IQCK: variants seen among roughly 807,000 people sequenced by gnomAD.
The protein encoded by IQCK is IQ motif containing K.
IQCK carries 29 observed loss-of-function variants against 28.1 expected under a neutral mutation model. The ratio of observed to expected loss-of-function variants is 1.03; its 90% CI spans 0.77 to 1.41. The LOEUF (loss-of-function observed/expected upper bound fraction) is 1.41. Ranked by LOEUF, IQCK falls within the 40% of genes most tolerant of loss-of-function variation. The probability of loss-of-function intolerance (pLI) is 0.00; values close to 1 mark genes in which losing one functional copy is unlikely to be tolerated. For synonymous variants in IQCK, 113 were observed against 115.1 expected, an observed-to-expected ratio of 0.98 and a Z score of 0.12; for missense variants, 359 against 314.7, an observed-to-expected ratio of 1.14 and a Z score of -1.07.
At chr16:19,768,487 C>G (rs1160735709) in intron 6 of IQCK, among the ~76,000 whole-genome samples, 2 of 152,154 alleles carry the variant, frequency 1.3e-5, no homozygotes, top group Non-Finnish European at 2.9e-5. Context: ...TGGCTGACAC[C>G]TGTAATCTCA....
exon 6 of IQCK, chr16:19,764,067 C>T (rs760371744): frequency 6.2e-7 from 1 of 1,614,032 alleles, no homozygotes; most frequent in South Asian, 1.1e-5. Flanking sequence ...GAGCCATTCA[C>T]AGAATTTTTC....
chr16:19,754,444 A>G (rs895557096), intron 4 of IQCK, among the ~76,000 whole-genome samples: 5 of 152,024 alleles, frequency 3.3e-5, no homozygotes, highest in African/African-American at 1.2e-4. Flanking sequence ...CTCCTATCTT[A>G]CTCCATGTAA....
chr16:19,726,992 A>C (rs908233613), intron 1 of IQCK, among the ~76,000 whole-genome samples: 4 of 151,894 alleles, frequency 2.6e-5, no homozygotes, highest in African/African-American at 4.8e-5. Flanking sequence ...TTAGCCGGGC[A>C]TGATGATGGG....
rs150461419 is a variant in IQCK at position 19,761,815 on chromosome 16, G to A, written c.475-2033G>A. On this transcript the variant is annotated intron_variant, in intron 4 of 7. Coordinates refer to ENST00000564186, the Ensembl canonical transcript of IQCK. Reference sequence around the variant, plus strand: ...CTGTATTGAAAACTCAAGAACAGTGGTAATAAAACGAATGAAGTTTATTTC... The same window carrying A: ...CTGTATTGAAAACTCAAGAACAGTGATAATAAAACGAATGAAGTTTATTTC... 1,490 of 172,812 alleles carry A rather than the reference G, an allele frequency of 8.6e-3. 11 individuals carry two copies. Among genetic ancestry groups the A allele is most frequent in the Non-Finnish European group, 0.012 (920 of 79,536 alleles). The allele number at this position is 172,812 out of a possible 1,614,324, so 10.7% of individuals were successfully genotyped here. A position where few individuals can be genotyped will look rare whatever the true frequency, so the allele number is the denominator to read the frequency against.
chr16:19,734,187 T>G (rs1197407741), intron 3 of IQCK, among the ~76,000 whole-genome samples: 1 of 151,622 alleles, frequency 6.6e-6, no homozygotes, highest in African/African-American at 2.4e-5. Flanking sequence ...TCTCTACATC[T>G]CTACAAAAAA....
intron 9 of IQCK, among the ~76,000 whole-genome samples, chr16:19,848,147 T>C (rs1424029765): frequency 6.6e-6 from 1 of 152,246 alleles, no homozygotes; most frequent in Non-Finnish European, 1.5e-5. Flanking sequence ...TCTGCATCTT[T>C]ACCAACAATG....
chr16:19,851,916 T>C (rs1411360163), intron 9 of IQCK, among the ~76,000 whole-genome samples: 1 of 152,200 alleles, frequency 6.6e-6, no homozygotes, highest in African/African-American at 2.4e-5. Context: ...CAAGGCTGTG[T>C]TCTGCTAAGA....
intron 7 of IQCK, among the ~76,000 whole-genome samples, chr16:19,816,938 G>T (rs1329619550): frequency 1.3e-5 from 2 of 152,146 alleles, no homozygotes; most frequent in Non-Finnish European, 2.9e-5. Flanking sequence ...GAAAATTGAG[G>T]CTCAGGGAGT....
Position 19,821,569 on chromosome 16 carries a change from C to T in IQCK, c.691-5457C>T, listed in dbSNP as rs554702778. On this transcript the variant is annotated intron_variant, in intron 7 of 7. Transcript: ENST00000564186. ...ACAAAACATTAGCTGGGCATGGTAGCATGTGCCTGTAATCCCAGCTACTCA... is the reference window on the plus strand; with the variant it reads ...ACAAAACATTAGCTGGGCATGGTAGTATGTGCCTGTAATCCCAGCTACTCA... Among the ~76,000 whole-genome samples the T allele has an allele frequency of 1.7e-4, 26 of 152,298 alleles. 1 individual carries two copies. The highest frequency in any genetic ancestry group is 6.0e-4 in the African/African-American group (25 of 41,574).
chr16:19,830,741 C>G (rs557398493), downstream of IQCK, among the ~76,000 whole-genome samples: 3 of 152,284 alleles, frequency 2.0e-5, no homozygotes, highest in East Asian at 3.9e-4. Flanking sequence ...CCATGTGACC[C>G]TGATCTACTG....
At chr16:19,730,709 T>C (rs116719938) in intron 2 of IQCK, among the ~76,000 whole-genome samples, 2,223 of 138,038 alleles carry the variant, frequency 0.016, 49 homozygotes, top group African/African-American at 0.068. Context: ...GTTTCGGCGT[T>C]TGTCTGTCTA....
At chr16:19,851,907 A>G (rs1474098529) in intron 9 of IQCK, among the ~76,000 whole-genome samples, 2 of 152,162 alleles carry the variant, frequency 1.3e-5, no homozygotes, top group Non-Finnish European at 2.9e-5. Context: ...CTACCTGTGC[A>G]AGGCTGTGTT....
intron 7 of IQCK, among the ~76,000 whole-genome samples, chr16:19,812,864 A>T (rs773256396): frequency 3.8e-4 from 58 of 152,370 alleles, no homozygotes; most frequent in Non-Finnish European, 5.7e-4. Flanking sequence ...TTCAGATTTG[A>T]AAAAACTTAA....
chr16:19,762,604 AAC>A (rs1259870534), intron 4 of IQCK, among the ~76,000 whole-genome samples: 1 of 152,164 alleles, frequency 6.6e-6, no homozygotes, highest in African/African-American at 2.4e-5. Context: ...TATTTCATCT[AAC>A]ACAAGCAATC....
At chr16:19,723,007 C>T (rs1340384088) in intron 1 of IQCK, among the ~76,000 whole-genome samples, 2 of 152,136 alleles carry the variant, frequency 1.3e-5, no homozygotes, top group African/African-American at 2.4e-5. Flanking sequence ...CTACCGCATC[C>T]GGCCTGCTTC....
intron 6 of IQCK, among the ~76,000 whole-genome samples, chr16:19,779,169 A>G (rs1401552931): frequency 6.6e-6 from 1 of 152,152 alleles, no homozygotes; most frequent in Non-Finnish European, 1.5e-5. Context: ...TGTTAAAAAG[A>G]TCAGTCCGGC....
At chr16:19,758,494 C>T (rs2055085560) in intron 4 of IQCK, among the ~76,000 whole-genome samples, 1 of 152,154 alleles carries the variant, frequency 6.6e-6, no homozygotes, top group Non-Finnish European at 1.5e-5. Context: ...AAATCTTTAC[C>T]ACTAAATGAT....
rs138338451 is a variant in IQCK at position 19,846,618 on chromosome 16, C to T, written c.803-9869C>T. 1.5e-3 allele frequency among the ~76,000 whole-genome samples: 227 copies of T among 152,304 alleles called. 1 individual carries two copies. The highest frequency in any genetic ancestry group is 5.2e-3 in the African/African-American group (218 of 41,564). ...AATTACTGCTCATTCAAGGCTGTCA[C>T]GTTCTCCCGGAATGCCTTGTGGCTT... On this transcript the variant is annotated intron_variant, in intron 9 of 9. Coordinates refer to the IQCK transcript ENST00000320394.
intron 4 of IQCK, among the ~76,000 whole-genome samples, chr16:19,752,977 G>A (rs540103867): frequency 4.6e-5 from 7 of 152,140 alleles, no homozygotes; most frequent in South Asian, 4.1e-4. Context: ...TGACTGCTTC[G>A]TCTGGGTTGG....
Sources: gnomAD v4.1 joint callset for allele counts (sites outside exome capture counted in the v4.1 genomes callset) on GRCh38, gnomAD v4.1.1 for gene constraint, MANE v1.5 for transcripts, NCBI Gene and HGNC (gene_info 2026-07-23, HGNC 2026-07-21) for gene names.